Variants in FAM120B observed in about 807,000 individuals in gnomAD.
FAM120B encodes the protein constitutive coactivator of peroxisome proliferator-activated receptor gamma.
A neutral mutation model predicts 96.3 loss-of-function variants in FAM120B; 83 were observed. That is an observed-to-expected ratio of 0.86 (90% CI 0.72 to 1.03). The LOEUF is 1.03. FAM120B is among the 50% of genes least tolerant of loss of function. FAM120B has a pLI of 0.00. For synonymous variants in FAM120B, 407 were observed against 402.7 expected (o/e 1.01, Z -0.13); for missense variants, 1,027 against 1,121.2 (o/e 0.92, Z 1.20).
chr6:170,341,247 C>T (rs147871880), intron 4 of FAM120B, among the ~76,000 whole-genome samples: 223 of 152,322 alleles, frequency 1.5e-3, no homozygotes, highest in Non-Finnish European at 2.1e-3. Context: ...ACCACTTTGC[C>T]GCACTGTGGT....
chr6:170,310,447 C>T (rs1784527690), intron 1 of FAM120B, among the ~76,000 whole-genome samples: 1 of 152,220 alleles, frequency 6.6e-6, no homozygotes, highest in African/African-American at 2.4e-5. Flanking sequence ...CAGCAATGAC[C>T]AGATCACTAA....
upstream of FAM120B, among the ~76,000 whole-genome samples, chr6:170,303,697 G>C (rs956088823): frequency 2.0e-5 from 3 of 152,090 alleles, no homozygotes; most frequent in Non-Finnish European, 4.4e-5. Context: ...ACACACGTAA[G>C]GTCACCTCCC....
intron 6 of FAM120B, among the ~76,000 whole-genome samples, chr6:170,376,498 C>A (rs1310023309): frequency 2.7e-5 from 4 of 147,486 alleles, no homozygotes; most frequent in Non-Finnish European, 6.0e-5. Context: ...GGGAGGCGGG[C>A]AGCGGGGCGT....
At chr6:170,315,254 G>A (rs114069874) in intron 1 of FAM120B, among the ~76,000 whole-genome samples, 134 of 152,298 alleles carry the variant, frequency 8.8e-4, no homozygotes, top group African/African-American at 3.1e-3. Flanking sequence ...AACCATGCAA[G>A]GCCTGTTTAA....
chr6:170,394,517 G>T, intron 8 of FAM120B, among the ~76,000 whole-genome samples: 1 of 137,058 alleles, frequency 7.3e-6, no homozygotes, highest in South Asian at 2.6e-4. Flanking sequence ...CCACGCCTCC[G>T]TGGACACCGC....
At chr6:170,329,474 TC>T (rs1785850865) in intron 3 of FAM120B, among the ~76,000 whole-genome samples, 1 of 152,100 alleles carries the variant, frequency 6.6e-6, no homozygotes, top group Admixed American at 6.6e-5. Flanking sequence ...ACCCCCACTG[TC>T]CCCTGCTCAG....
At chr6:170,351,687 A>G (rs1787592624) in intron 5 of FAM120B, among the ~76,000 whole-genome samples, 1 of 152,180 alleles carries the variant, frequency 6.6e-6, no homozygotes, top group South Asian at 2.1e-4. Context: ...ATCCAACCAA[A>G]CTAACTTCAT....
Position 170,318,608 on chromosome 6 carries a change from C to T in FAM120B, c.1218C>T (p.Asp406=), listed in dbSNP as rs752794909. 2 of 1,588,960 alleles carry T rather than the reference C, an allele frequency of 1.3e-6. No individual in the cohort carries two copies. Among genetic ancestry groups the T allele is most frequent in the South Asian group, 2.2e-5 (2 of 89,180 alleles). ...GGCGAGAAGTTCCCATGTGTTCAGA[C>T]CCTGAACCCAGGCAAGAAGTTCCCA... ...ESRREVPMCS[D]PEPRQEVPMC... is the part of the protein sequence containing the mutation. Residue 406 remains aspartate, a synonymous_variant, in exon 2 of 11, where the codon GAC becomes GAT. Coordinates refer to ENST00000476287, the MANE Select transcript of FAM120B (RefSeq NM_032448.3).
At chr6:170,327,879 G>C (rs1244502148) in intron 3 of FAM120B, among the ~76,000 whole-genome samples, 1 of 150,156 alleles carries the variant, frequency 6.7e-6, no homozygotes, top group African/African-American at 2.5e-5. Context: ...GCCAGGACAT[G>C]ACCGTGTTGC....
At chr6:170,374,729 T>C (rs1789407577) in intron 6 of FAM120B, among the ~76,000 whole-genome samples, 1 of 152,310 alleles carries the variant, frequency 6.6e-6, no homozygotes, top group African/African-American at 2.4e-5. Flanking sequence ...GAATAGGGCA[T>C]TGTTGGTCGG....
At chr6:170,296,499 G>T (rs1229400563) in intron 1 of FAM120B, among the ~76,000 whole-genome samples, 2 of 151,812 alleles carry the variant, frequency 1.3e-5, no homozygotes, top group African/African-American at 2.4e-5. Flanking sequence ...CGTCGTGACG[G>T]CCCCACGCAG....
chr6:170,351,298 GAAGAGA>G (rs1466006536), intron 5 of FAM120B, among the ~76,000 whole-genome samples: 1 of 152,200 alleles, frequency 6.6e-6, no homozygotes, highest in Non-Finnish European at 1.5e-5. Context: ...GAGATTATGT[GAAGAGA>G]CCAAACTTAT....
chr6:170,402,046 G>T (rs1016788659), intron 9 of FAM120B, among the ~76,000 whole-genome samples: 1 of 152,248 alleles, frequency 6.6e-6, no homozygotes. Context: ...TGCACCCTGC[G>T]TGTCCCACGC....
chr6:170,318,138 T>C lies in FAM120B; in HGVS notation c.748T>C (p.Tyr250His). Residue 250 changes from tyrosine (Y) to histidine (H), a missense_variant, in exon 2 of 11, where the codon TAC (tyrosine) becomes CAC (histidine). Tyr to His is a moderately conservative substitution (Grantham distance 83). Coordinates refer to ENST00000476287, the MANE Select transcript of FAM120B (RefSeq NM_032448.3). Reference protein sequence around the residue: ...ESFRYKCLSSYTSVKENFDKK... With the variant: ...ESFRYKCLSSHTSVKENFDKK... ...CTTTAGGTACAAATGCTTATCGTCCTACACCTCTGTAAAAGAGAACTTTGA... is the reference window on the plus strand; with the variant it reads ...CTTTAGGTACAAATGCTTATCGTCCCACACCTCTGTAAAAGAGAACTTTGA... The C allele has an allele frequency of 6.2e-7, 1 of 1,614,222 alleles. No homozygotes were observed. Among genetic ancestry groups the C allele is most frequent in the Non-Finnish European group, 8.5e-7 (1 of 1,180,040 alleles).
At chr6:170,297,049 C>CG (rs1192577104) in intron 1 of FAM120B, among the ~76,000 whole-genome samples, 2 of 152,196 alleles carry the variant, frequency 1.3e-5, no homozygotes, top group African/African-American at 2.4e-5. Flanking sequence ...CGGGGGCACG[C>CG]GGGGGGCTTC....
At chr6:170,345,179 C>G (rs924748628) in intron 4 of FAM120B, among the ~76,000 whole-genome samples, 1 of 152,216 alleles carries the variant, frequency 6.6e-6, no homozygotes, top group African/African-American at 2.4e-5. Flanking sequence ...TGCCTCCTTT[C>G]AATCCCAGAA....
chr6:170,348,060 AT>A, intron 4 of FAM120B, 90 bp from the exon 5 acceptor site: 1 of 1,042,036 alleles, frequency 9.6e-7, no homozygotes, highest in Non-Finnish European at 1.4e-6. Flanking sequence ...AAGGGAAGAG[AT>A]TTGTTTCCTT....
At chr6:170,305,480 C>A (rs1412489582), upstream of FAM120B, among the ~76,000 whole-genome samples, 2 of 152,166 alleles carry the variant, frequency 1.3e-5, no homozygotes, top group African/African-American at 4.8e-5. Context: ...TTTCTGAGTA[C>A]CTGATCAAGT....
intron 1 of FAM120B, among the ~76,000 whole-genome samples, chr6:170,312,803 C>T (rs943826422): frequency 6.6e-6 from 1 of 152,188 alleles, no homozygotes; most frequent in African/African-American, 2.4e-5. Context: ...GCTCTGAATA[C>T]AGTGAAGACA....
Sources: allele counts gnomAD v4.1 joint callset (sites outside exome capture counted in the v4.1 genomes callset), GRCh38; gene constraint gnomAD v4.1.1; transcripts MANE v1.5; gene names NCBI Gene and HGNC (gene_info 2026-07-23, HGNC 2026-07-21).